Variants in CDHR3 observed in about 807,000 individuals in gnomAD.
The protein encoded by CDHR3 is cadherin related family member 3, also known as cadherin-related family member 3.
Under a neutral mutation model 86.6 loss-of-function variants are expected in CDHR3, and 79 were observed. That is an observed-to-expected ratio of 0.91 (90% CI 0.76 to 1.10). The LOEUF (loss-of-function observed/expected upper bound fraction) is 1.10. CDHR3 is among the 50% of genes least tolerant of loss of function. CDHR3 has a pLI of 0.00. For missense variants in CDHR3, 1,081 were observed against 1,077.6 expected (o/e 1.00, Z -0.04); for synonymous variants, 421 against 402.4 (o/e 1.05, Z -0.55).
At chr7:105,984,138 C>T (rs1056890384) in intron 3 of CDHR3, 54 bp from the exon 4 acceptor site, 11 of 1,124,690 alleles carry the variant, frequency 9.8e-6, no homozygotes, top group Admixed American at 4.5e-5. Flanking sequence ...TTTTGGAATT[C>T]CCCATTTTTG....
chr7:106,018,921 G>A (rs761886233), intron 12 of CDHR3, among the ~76,000 whole-genome samples: 1 of 152,086 alleles, frequency 6.6e-6, no homozygotes, highest in African/African-American at 2.4e-5. Flanking sequence ...CATTTCTGAC[G>A]TGCTTCCAAG....
chr7:105,969,087 C>A (rs1370088561), intron 1 of CDHR3, among the ~76,000 whole-genome samples: 1 of 143,266 alleles, frequency 7.0e-6, no homozygotes, highest in South Asian at 2.2e-4. Flanking sequence ...GACTCCGTCT[C>A]AAAATAAAAA....
intron 4 of CDHR3, among the ~76,000 whole-genome samples, chr7:105,992,560 A>C (rs1031101647): frequency 7.2e-5 from 11 of 152,204 alleles, no homozygotes; most frequent in African/African-American, 2.7e-4. Flanking sequence ...GCATCACCCA[A>C]ATATTTCCCC....
chr7:105,964,090 T>A (rs1418595697), intron 1 of CDHR3, among the ~76,000 whole-genome samples: 1 of 152,170 alleles, frequency 6.6e-6, no homozygotes, highest in African/African-American at 2.4e-5. Context: ...ACATAGTAAA[T>A]GCTTAGTAAA....
chr7:106,026,658 T>C (rs1394467657), intron 15 of CDHR3, 24 bp from the exon 16 acceptor site: 1 of 1,613,154 alleles, frequency 6.2e-7, no homozygotes, highest in Non-Finnish European at 8.5e-7. Flanking sequence ...AGTGAATTAA[T>C]AGCCATTCTT....
chr7:105,976,965 A>G (rs1290637806), intron 2 of CDHR3, among the ~76,000 whole-genome samples: 1 of 148,730 alleles, frequency 6.7e-6, no homozygotes, highest in Non-Finnish European at 1.5e-5. Flanking sequence ...TCCAAGGCAC[A>G]TTCACATACC....
chr7:106,022,492 G>T (rs754411547), intron 14 of CDHR3, 44 bp downstream of exon 14: 2 of 1,592,274 alleles, frequency 1.3e-6, no homozygotes, highest in Admixed American at 1.7e-5. Context: ...ATTCCCTTGT[G>T]AGTTATGTTG....
At chr7:106,023,852 T>A (rs1199760180) in intron 14 of CDHR3, among the ~76,000 whole-genome samples, 1 of 152,164 alleles carries the variant, frequency 6.6e-6, no homozygotes. Context: ...TTGTGACATC[T>A]CCAATCCTGA....
Position 106,024,552 on chromosome 7 carries a change from A to G in CDHR3, c.2248A>G (p.Lys750Glu). The G allele has an allele frequency of 6.2e-7, 1 of 1,613,966 alleles. No individual in the cohort carries two copies. The highest frequency in any genetic ancestry group is 8.5e-7 in the Non-Finnish European group (1 of 1,179,856). Residue 750 changes from lysine to glutamate, a missense_variant, in exon 15 of 19, where the codon AAG becomes GAG. Lys to Glu is a moderately conservative substitution (Grantham distance 56). Transcript: ENST00000317716. ...RHCPCKTGKN[K>E]EPLTKKGETK... ...CTGCCCCTGCAAGACTGGGAAGAAC[A>G]AGGAACCTCTGTAAGTTGCCAGTGG...
chr7:105,978,942 G>A (rs914105194), intron 2 of CDHR3, among the ~76,000 whole-genome samples: 2 of 152,120 alleles, frequency 1.3e-5, no homozygotes, highest in Non-Finnish European at 2.9e-5. Context: ...GAGCCAGGTT[G>A]TAAATCAGGA....
rs986763971 is a variant in CDHR3, at chr7:105,994,693, T to C, written c.514-58T>C. ...AAATAGGAAATGAGCACACACATCT[T>C]CTGGGGAAGGGTGGGCAGGTGGGCT... On this transcript the variant is annotated intron_variant, in intron 4 of 18. Coordinates refer to ENST00000317716, the MANE Select transcript of CDHR3 (RefSeq NM_152750.5). 31 of 1,156,772 alleles carry C rather than the reference T, an allele frequency of 2.7e-5. No homozygotes were observed. In the Admixed American group the frequency reaches 3.5e-4, roughly 13 times the overall value. The allele number at this position is 1,156,772 out of a possible 1,614,324, so 71.7% of individuals were successfully genotyped here. A position where few individuals can be genotyped will look rare whatever the true frequency, so the allele number is the denominator to read the frequency against.
chr7:105,971,327 A>G (rs896130988), intron 1 of CDHR3, among the ~76,000 whole-genome samples: 3 of 152,164 alleles, frequency 2.0e-5, no homozygotes, highest in African/African-American at 7.2e-5. Context: ...TCTAGCAAGA[A>G]TATCGGCAGA....
chr7:106,029,658 C>G (rs1838039572), intron 17 of CDHR3, among the ~76,000 whole-genome samples: 1 of 152,098 alleles, frequency 6.6e-6, no homozygotes. Flanking sequence ...TCCCTACCCC[C>G]ACGAATAAGG....
intron 1 of CDHR3, among the ~76,000 whole-genome samples, chr7:105,972,514 A>G (rs987597062): frequency 6.6e-6 from 1 of 152,178 alleles, no homozygotes; most frequent in African/African-American, 2.4e-5. Flanking sequence ...GTCTTGCTAA[A>G]CAGTGAGGGA....
intron 4 of CDHR3, among the ~76,000 whole-genome samples, chr7:105,992,145 G>C (rs1831451229): frequency 6.6e-6 from 1 of 152,150 alleles, no homozygotes. Context: ...AGATTTTGGA[G>C]TGTAGGGCCT....
intron 8 of CDHR3, 139 bp downstream of exon 8, chr7:106,004,826 CA>C: frequency 1.3e-6 from 1 of 758,308 alleles, no homozygotes; most frequent in Non-Finnish European, 2.1e-6. Context: ...GTGAACTGTT[CA>C]CTGTTGTCCA....
At chr7:106,019,525 A>G (rs910753065) in intron 12 of CDHR3, among the ~76,000 whole-genome samples, 2 of 152,192 alleles carry the variant, frequency 1.3e-5, no homozygotes, top group Admixed American at 6.5e-5. Flanking sequence ...CTCAAAATTC[A>G]TAAGCTTTTT....
chr7:106,006,121 C>G (rs1833911414), intron 8 of CDHR3, among the ~76,000 whole-genome samples: 1 of 150,774 alleles, frequency 6.6e-6, no homozygotes, highest in South Asian at 2.1e-4. Flanking sequence ...TAGGGAAACT[C>G]CTCCTTATAA....
chr7:105,993,677 CAAAAAAAAAAAAAA>C lies in CDHR3; in HGVS notation c.514-1059_514-1046del, dbSNP rs55787798. 5.6e-3 allele frequency among the ~76,000 whole-genome samples: 517 copies of C among 91,826 alleles called. 3 individuals are homozygous for C. The highest frequency in any genetic ancestry group is 0.02 in the African/African-American group (468 of 23,892). 60.2% of individuals were successfully genotyped at this position (91,826 alleles called of 152,430 possible). ...GGTGACAGAGCCAGACTCTGTCTCACAAAAAAAAAAAAAAAAAAAAAAAAAAAAGAAGAAGAAGA... is the reference window on the plus strand; with the variant it reads ...GGTGACAGAGCCAGACTCTGTCTCACAAAAAAAAAAAAAAGAAGAAGAAGA... On this transcript the variant is annotated intron_variant, in intron 4 of 18. Transcript: ENST00000317716.
Sources: allele counts gnomAD v4.1 joint callset (sites outside exome capture counted in the v4.1 genomes callset), GRCh38; gene constraint gnomAD v4.1.1; transcripts MANE v1.5; gene names NCBI Gene and HGNC (gene_info 2026-07-23, HGNC 2026-07-21).